TRMT11: variants seen among roughly 807,000 people sequenced by gnomAD.
TRMT11 encodes the protein tRNA methyltransferase 11, also known as tRNA (guanine(10)-N(2))-methyltransferase TRMT11.
Under a neutral mutation model 62.8 loss-of-function variants are expected in TRMT11, and 53 were observed. The ratio of observed to expected loss-of-function variants is 0.84; its 90% confidence interval spans 0.68 to 1.06. The LOEUF is 1.06. Among genes scored for constraint, TRMT11 ranks in the 50% least tolerant of loss-of-function variants. The pLI is 0.00. For missense variants in TRMT11, 556 were observed against 553.4 expected, an observed-to-expected ratio of 1.00 and a Z score of -0.05; for synonymous variants, 188 against 190.3, an observed-to-expected ratio of 0.99 and a Z score of 0.10.
intron 1 of TRMT11, among the ~76,000 whole-genome samples, chr6:125,989,732 CTG>C (rs1790292962): frequency 6.6e-6 from 1 of 152,170 alleles, no homozygotes; most frequent in South Asian, 2.1e-4. Flanking sequence ...TCCAAAAACT[CTG>C]TTCTGTTTTA....
rs1165488914 is a variant in TRMT11, at chr6:126,024,511, C to T, written c.1260+3231C>T. On this transcript the variant is annotated intron_variant, in intron 12 of 12. Coordinates refer to ENST00000334379, the MANE Select transcript of TRMT11 (RefSeq NM_001031712.3). ...TAACCTCAAACTCCTGGGCTCAAGC[C>T]ATCCTCCAGCCTTACCCGACTGTCT... is the stretch of plus-strand genomic sequence containing the variant. Among the ~76,000 whole-genome samples, 11 of 152,220 alleles carry T rather than the reference C, an allele frequency of 7.2e-5. No individual in the cohort carries two copies. The East Asian group carries it at 2.1e-3, about 29-fold the overall frequency.
At chr6:126,270,285 A>G in the TRMT11 span, among the ~76,000 whole-genome samples, 3 of 152,268 alleles carry the variant, frequency 2.0e-5, no homozygotes, top group African/African-American at 7.2e-5. Context: ...AATTGAGTAA[A>G]TGTATTGATG....
At chr6:126,198,387 G>T (rs1692984732) in intron 1 of TRMT11, among the ~76,000 whole-genome samples, 1 of 152,046 alleles carries the variant, frequency 6.6e-6, no homozygotes, top group Non-Finnish European at 1.5e-5. Context: ...TTTTTTAAAG[G>T]TAATTTTAAA....
intron 17 of TRMT11, among the ~76,000 whole-genome samples, chr6:126,109,096 G>A (rs1461547242): frequency 6.6e-6 from 1 of 152,036 alleles, no homozygotes; most frequent in African/African-American, 2.4e-5. Context: ...AGAATAAGTT[G>A]CATGCTCAAA....
downstream of TRMT11, among the ~76,000 whole-genome samples, chr6:126,202,806 G>A (rs189241083): frequency 1.3e-5 from 2 of 152,262 alleles, no homozygotes; most frequent in African/African-American, 4.8e-5. Context: ...TGATTTCTAT[G>A]GGGGCGTCAT....
At chr6:126,265,650 ATCT>A in the TRMT11 span, among the ~76,000 whole-genome samples, 1 of 152,058 alleles carries the variant, frequency 6.6e-6, no homozygotes, top group East Asian at 1.9e-4. Context: ...GGTATATTTA[ATCT>A]TCTATTTCTT....
intron 16 of TRMT11, among the ~76,000 whole-genome samples, chr6:126,051,476 T>G (rs1460034165): frequency 2.0e-5 from 3 of 152,144 alleles, no homozygotes; most frequent in Non-Finnish European, 4.4e-5. Context: ...CCCTGGATTT[T>G]CACTAGGGAA....
At chr6:126,030,135 T>A (rs532674662) in intron 12 of TRMT11, among the ~76,000 whole-genome samples, 7 of 152,342 alleles carry the variant, frequency 4.6e-5, no homozygotes, top group Non-Finnish European at 8.8e-5. Flanking sequence ...GAGGTTTCTC[T>A]TAATAGTATT....
the TRMT11 span, among the ~76,000 whole-genome samples, chr6:126,254,455 G>A: frequency 6.6e-6 from 1 of 152,218 alleles, no homozygotes; most frequent in Non-Finnish European, 1.5e-5. Context: ...ACCAAGCACT[G>A]TGCCATGTGC....
chr6:126,038,178 C>T (rs755605568), intron 12 of TRMT11, among the ~76,000 whole-genome samples: 1 of 152,036 alleles, frequency 6.6e-6, no homozygotes, highest in Non-Finnish European at 1.5e-5. Context: ...TCTTCATCTA[C>T]TATGTTCACT....
chr6:126,240,916 C>G, the TRMT11 span, among the ~76,000 whole-genome samples: 2 of 152,236 alleles, frequency 1.3e-5, no homozygotes, highest in African/African-American at 4.8e-5. Flanking sequence ...TGGTGGGCAC[C>G]CCTCCCCCAG....
chr6:126,268,355 C>A, the TRMT11 span, among the ~76,000 whole-genome samples: 2 of 152,152 alleles, frequency 1.3e-5, no homozygotes, highest in African/African-American at 4.8e-5. Flanking sequence ...TAGTGTTACA[C>A]TTCCCTCATT....
At chr6:126,144,198 T>C (rs557646664) in intron 21 of TRMT11, among the ~76,000 whole-genome samples, 2 of 152,330 alleles carry the variant, frequency 1.3e-5, no homozygotes, top group East Asian at 3.9e-4. Flanking sequence ...AGTGTTTTTG[T>C]GTTCCTTAGC....
At chr6:125,995,885 TCTC>T (rs2128751466) in intron 2 of TRMT11, 79 bp from the exon 3 acceptor site, 7 of 829,252 alleles carry the variant, frequency 8.4e-6, no homozygotes, top group South Asian at 4.3e-5. Context: ...AATAGGCACT[TCTC>T]CTTATTGACT....
intron 3 of TRMT11, among the ~76,000 whole-genome samples, chr6:126,201,433 C>T (rs1180651526): frequency 1.3e-5 from 2 of 152,182 alleles, no homozygotes; most frequent in Non-Finnish European, 2.9e-5. Flanking sequence ...CCTGTTTTAT[C>T]CTACATACTC....
chr6:126,133,833 C>T (rs1777818044), intron 21 of TRMT11, among the ~76,000 whole-genome samples: 1 of 151,728 alleles, frequency 6.6e-6, no homozygotes, highest in South Asian at 2.1e-4. Context: ...AGTTGAGCAC[C>T]TCTGAAATAA....
the TRMT11 span, chr6:126,258,478 T>A: frequency 4.4e-6 from 1 of 225,998 alleles, no homozygotes; most frequent in East Asian, 1.2e-4. Context: ...GTGGGGGTGC[T>A]GGGGGACAGC....
chr6:126,053,171 C>T (rs751496364), exon 17 of TRMT11, among the ~76,000 whole-genome samples: 5 of 151,922 alleles, frequency 3.3e-5, no homozygotes, highest in Non-Finnish European at 7.4e-5. Context: ...TGGAGGATGG[C>T]GGTGGTATGA....
chr6:126,166,568 C>T (rs1778268880), intron 21 of TRMT11, among the ~76,000 whole-genome samples: 1 of 152,124 alleles, frequency 6.6e-6, no homozygotes, highest in African/African-American at 2.4e-5. Flanking sequence ...AAGGTGTCTC[C>T]CAGACAGGAT....
Sources: allele counts gnomAD v4.1 joint callset (sites outside exome capture counted in the v4.1 genomes callset), GRCh38; gene constraint gnomAD v4.1.1; transcripts MANE v1.5; gene names NCBI Gene and HGNC (gene_info 2026-07-23, HGNC 2026-07-21).